ELMO1: variants seen among roughly 807,000 people sequenced by gnomAD.
ELMO1 encodes engulfment and cell motility protein 1.
Under a neutral mutation model 98.9 loss-of-function variants are expected in ELMO1, and 26 were observed. The observed-to-expected ratio is 0.26, with a 90% CI of 0.19 to 0.36. The LOEUF is 0.36. Among genes scored for constraint, ELMO1 ranks in the 10% least tolerant of loss-of-function variants. The pLI, the probability that ELMO1 is intolerant of heterozygous loss-of-function variation, is 1.00. For missense variants in ELMO1, 627 were observed against 935.2 expected, an observed-to-expected ratio of 0.67 and a Z score of 4.30; for synonymous variants, 346 against 346.0, an observed-to-expected ratio of 1.00 and a Z score of 0.00.
chr7:37,111,464 T>A (rs555973232), intron 14 of ELMO1, among the ~76,000 whole-genome samples: 173 of 152,324 alleles, frequency 1.1e-3, no homozygotes, highest in African/African-American at 3.9e-3. Flanking sequence ...GCAGGAGTAT[T>A]GATACCACAG....
chr7:36,973,001 G>C (rs1398392218), intron 16 of ELMO1, among the ~76,000 whole-genome samples: 1 of 152,070 alleles, frequency 6.6e-6, no homozygotes, highest in Non-Finnish European at 1.5e-5. Flanking sequence ...GGCTGGTCTC[G>C]AACTACTGAC....
chr7:36,934,551 G>A (rs138745805), intron 16 of ELMO1, among the ~76,000 whole-genome samples: 186 of 152,300 alleles, frequency 1.2e-3, no homozygotes, highest in African/African-American at 4.4e-3. Context: ...TAATAACATT[G>A]GGACTGTTTC....
intron 14 of ELMO1, among the ~76,000 whole-genome samples, chr7:37,116,505 G>C (rs1324011136): frequency 6.6e-6 from 1 of 152,142 alleles, no homozygotes; most frequent in Admixed American, 6.5e-5. Context: ...TGGTACCTCA[G>C]TGAGGGAGTC....
intron 15 of ELMO1, among the ~76,000 whole-genome samples, chr7:37,054,583 T>G (rs61420037): frequency 0.019 from 2,953 of 152,326 alleles, 99 homozygotes; most frequent in African/African-American, 0.068. Flanking sequence ...TAAGGAAATC[T>G]TGAGAAAAAT....
At chr7:37,119,528 T>C (rs1419985183) in intron 14 of ELMO1, among the ~76,000 whole-genome samples, 1 of 152,186 alleles carries the variant, frequency 6.6e-6, no homozygotes, top group Non-Finnish European at 1.5e-5. Context: ...GTAATATGCA[T>C]TGCATCATGA....
intron 15 of ELMO1, among the ~76,000 whole-genome samples, chr7:37,062,162 G>C (rs1434532424): frequency 2.0e-5 from 3 of 152,178 alleles, no homozygotes; most frequent in Non-Finnish European, 4.4e-5. Flanking sequence ...AAGATTATGT[G>C]GCCTAGAAAT....
chr7:37,364,123 C>A (rs1020169429), intron 1 of ELMO1, among the ~76,000 whole-genome samples: 2 of 152,224 alleles, frequency 1.3e-5, no homozygotes, highest in Non-Finnish European at 2.9e-5. Context: ...CAACACCATA[C>A]CCCATACCTG....
chr7:37,442,888 C>T (rs1309510404), intron 1 of ELMO1, among the ~76,000 whole-genome samples: 1 of 152,222 alleles, frequency 6.6e-6, no homozygotes, highest in African/African-American at 2.4e-5. Context: ...CTAACCAGTG[C>T]AGACATCATG....
chr7:36,882,357 C>A (rs145371911), intron 18 of ELMO1, among the ~76,000 whole-genome samples: 4 of 152,204 alleles, frequency 2.6e-5, no homozygotes, highest in South Asian at 4.1e-4. Context: ...CAAGAGGGAC[C>A]CAGCAATGTG....
At chr7:37,048,317 G>A (rs1383253899) in intron 15 of ELMO1, among the ~76,000 whole-genome samples, 1 of 152,116 alleles carries the variant, frequency 6.6e-6, no homozygotes, top group African/African-American at 2.4e-5. Flanking sequence ...GTAAAATCTA[G>A]CATAAAAATC....
intron 15 of ELMO1, among the ~76,000 whole-genome samples, chr7:37,039,721 T>G (rs1795393382): frequency 6.6e-6 from 1 of 152,240 alleles, no homozygotes; most frequent in Non-Finnish European, 1.5e-5. Flanking sequence ...CTAATTCCTC[T>G]TCCTAGCTAT....
At chr7:37,322,483 G>A (rs1180125418) in intron 2 of ELMO1, among the ~76,000 whole-genome samples, 1 of 152,054 alleles carries the variant, frequency 6.6e-6, no homozygotes, top group Non-Finnish European at 1.5e-5. Context: ...CAGGCATGGT[G>A]GTGGGGACCT....
At chr7:37,392,513 T>C (rs908449106) in intron 1 of ELMO1, among the ~76,000 whole-genome samples, 6 of 152,176 alleles carry the variant, frequency 3.9e-5, no homozygotes, top group African/African-American at 1.4e-4. Context: ...TGGCCAACCA[T>C]GAAATCTGAG....
chr7:37,338,533 T>A (rs1800544455), intron 2 of ELMO1, among the ~76,000 whole-genome samples: 1 of 152,202 alleles, frequency 6.6e-6, no homozygotes, highest in Non-Finnish European at 1.5e-5. Flanking sequence ...TTTAAGGTAC[T>A]TTGTTATAGC....
chr7:37,415,504 AG>A (rs772305930), intron 1 of ELMO1, among the ~76,000 whole-genome samples: 11 of 152,204 alleles, frequency 7.2e-5, no homozygotes, highest in African/African-American at 2.7e-4. Flanking sequence ...CCCAGTCTCA[AG>A]TCCTTATTAT....
intron 16 of ELMO1, among the ~76,000 whole-genome samples, chr7:36,903,924 A>G (rs1210621123): frequency 6.6e-6 from 1 of 152,166 alleles, no homozygotes; most frequent in Non-Finnish European, 1.5e-5. Flanking sequence ...CGGACAGGGG[A>G]CTGTGCCTGC....
rs903415017 is a variant in ELMO1 at position 37,030,102 on chromosome 7, T to TTC, written c.1301-16669_1301-16668dup. ...CTCTCCAGCTTCTTGGCGGCCATCT[T>TTC]TCTCTCTCTCTCTTTTTAAAAATCT... On this transcript the variant is annotated intron_variant, in intron 15 of 21. Transcript: ENST00000310758. Among the ~76,000 whole-genome samples the TTC allele has an allele frequency of 4.6e-5, 7 of 152,162 alleles. No homozygotes were observed. In the South Asian group the frequency reaches 1.2e-3, roughly 27 times the overall value.
chr7:36,900,323 G>T (rs1337338632), intron 16 of ELMO1, among the ~76,000 whole-genome samples: 2 of 152,214 alleles, frequency 1.3e-5, no homozygotes, highest in African/African-American at 4.8e-5. Context: ...AGTCCCTGGA[G>T]GGCAGGAACT....
chr7:37,081,232 A>C (rs1797851275), intron 15 of ELMO1, among the ~76,000 whole-genome samples: 1 of 152,236 alleles, frequency 6.6e-6, no homozygotes, highest in Admixed American at 6.5e-5. Flanking sequence ...TCATAAAATG[A>C]AATACTATTT....
Sources: allele counts gnomAD v4.1 joint callset (sites outside exome capture counted in the v4.1 genomes callset), GRCh38; gene constraint gnomAD v4.1.1; transcripts MANE v1.5; gene names NCBI Gene and HGNC (gene_info 2026-07-23, HGNC 2026-07-21).